DMD: variants seen among roughly 807,000 people sequenced by gnomAD.
DMD encodes mutant dystrophin.
A neutral mutation model predicts 330.1 loss-of-function variants in DMD; 63 were observed. The ratio of observed to expected loss-of-function variants is 0.19; its 90% CI spans 0.16 to 0.24. The LOEUF is 0.24. Ranked by LOEUF, DMD falls within the 10% of genes least tolerant of loss-of-function variation. The pLI, the probability that DMD is intolerant of heterozygous loss-of-function variation, is 1.00. For synonymous variants in DMD, 1,223 were observed against 959.8 expected (o/e 1.27, Z -5.07); for missense variants, 3,344 against 2,684.1 (o/e 1.25, Z -5.43).
chrX:31,603,046 GAA>G (rs2077444938), intron 55 of DMD, among the ~76,000 whole-genome samples: 2 of 111,383 alleles, frequency 1.8e-5, no homozygotes, highest in Non-Finnish European at 3.8e-5. Flanking sequence ...GAGAGATTTT[GAA>G]AAGTGTTGTT....
chrX:32,840,274 T>C (rs1240591573), intron 4 of DMD, among the ~76,000 whole-genome samples: 1 of 112,101 alleles, frequency 8.9e-6, no homozygotes, highest in African/African-American at 3.2e-5. Flanking sequence ...CTATATTTTC[T>C]GTAAGAAATG....
chrX:31,395,569 A>C (rs936535401), intron 60 of DMD, among the ~76,000 whole-genome samples: 2 of 112,284 alleles, frequency 1.8e-5, no homozygotes, highest in African/African-American at 6.5e-5. Flanking sequence ...TACAAGTAGA[A>C]GTCTTTCAAA....
chrX:31,784,730 T>C (rs949264136), intron 50 of DMD, among the ~76,000 whole-genome samples: 5 of 112,042 alleles, frequency 4.5e-5, no homozygotes, highest in Non-Finnish European at 9.4e-5. Flanking sequence ...TGAGGATAAA[T>C]AATTGATACT....
intron 1 of DMD, among the ~76,000 whole-genome samples, chrX:33,302,793 T>C (rs1192541953): frequency 9.0e-6 from 1 of 111,460 alleles, no homozygotes; most frequent in East Asian, 2.8e-4. Context: ...CAAAATTCCA[T>C]AGTTAAGAGT....
chrX:31,901,878 A>G (rs1383029192), intron 47 of DMD, among the ~76,000 whole-genome samples: 1 of 111,522 alleles, frequency 9.0e-6, no homozygotes, highest in Non-Finnish European at 1.9e-5. Flanking sequence ...TGAAATATGC[A>G]TACACTGTGG....
intron 44 of DMD, among the ~76,000 whole-genome samples, chrX:32,102,359 G>A (rs181852608): frequency 7.2e-5 from 8 of 111,797 alleles, no homozygotes; most frequent in African/African-American, 2.6e-4. Context: ...TTCATCTTTT[G>A]TAATCAAAAT....
At chrX:32,209,862 T>A (rs903597895) in intron 44 of DMD, among the ~76,000 whole-genome samples, 9 of 111,863 alleles carry the variant, frequency 8.0e-5, no homozygotes, top group African/African-American at 2.9e-4. Flanking sequence ...AACGGAAGTC[T>A]AATAACAAGC....
rs188902184 is a variant in DMD at position 31,612,985 on chromosome X, G to C, written c.8217+14688C>G. Among the ~76,000 whole-genome samples, 319 of 112,073 alleles carry C rather than the reference G, an allele frequency of 2.8e-3. 1 individual carries two copies. The highest frequency in any genetic ancestry group is 7.5e-3 in the African/African-American group (232 of 30,921). On this transcript the variant is annotated intron_variant, in intron 55 of 78. Transcript: ENST00000357033. ...CAAGGCCTGGTAATGCTTTCGAGAA[G>C]AGGTAGGGCTTTGGCCAAGAGTTGA...
intron 7 of DMD, among the ~76,000 whole-genome samples, chrX:32,709,237 A>T (rs1015900546): frequency 9.0e-6 from 1 of 111,697 alleles, no homozygotes; most frequent in Non-Finnish European, 1.9e-5. Flanking sequence ...AAATTTACAG[A>T]AGTGAAGATA....
At chrX:33,170,311 T>C (rs1281563762) in intron 1 of DMD, among the ~76,000 whole-genome samples, 1 of 108,287 alleles carries the variant, frequency 9.2e-6, no homozygotes, top group Admixed American at 1.0e-4. Flanking sequence ...AATCAATAAA[T>C]ATGGTTGCAA....
intron 54 of DMD, among the ~76,000 whole-genome samples, chrX:31,657,058 G>A (rs2080824307): frequency 9.0e-6 from 1 of 111,649 alleles, no homozygotes; most frequent in Non-Finnish European, 1.9e-5. Context: ...TTCAAAATCT[G>A]TTTTGGCCCC....
intron 43 of DMD, among the ~76,000 whole-genome samples, chrX:32,234,417 G>A (rs904943302): frequency 9.0e-6 from 1 of 111,176 alleles, no homozygotes; most frequent in Non-Finnish European, 1.9e-5. Context: ...TGAGAAGTTA[G>A]AATAGTGGTT....
intron 9 of DMD, among the ~76,000 whole-genome samples, chrX:32,690,599 C>A (rs937115887): frequency 5.4e-5 from 6 of 111,144 alleles, no homozygotes; most frequent in Non-Finnish European, 1.1e-4. Flanking sequence ...AAATATATTA[C>A]TAAACTACAG....
chrX:33,239,111 G>C (rs1221142714), intron 1 of DMD, among the ~76,000 whole-genome samples: 1 of 107,191 alleles, frequency 9.3e-6, no homozygotes, highest in South Asian at 4.3e-4. Context: ...ACAAAAATTA[G>C]CTGGGTGTGG....
At chrX:31,776,589 CAGGG>C (rs1241953198) in intron 50 of DMD, among the ~76,000 whole-genome samples, 2 of 66,838 alleles carry the variant, frequency 3.0e-5, no homozygotes, top group Non-Finnish European at 5.1e-5. Flanking sequence ...AGAAGAAAGT[CAGGG>C]AGGGAGGGAG....
Position 32,434,902 on chromosome X carries a change from C to T in DMD, c.4071+3339G>A, listed in dbSNP as rs922900299. 2.2e-4 allele frequency among the ~76,000 whole-genome samples: 24 copies of T among 110,816 alleles called. No homozygotes were observed. In the Admixed American group the frequency reaches 2.3e-3, roughly 11 times the overall value. ...AACATGATGTGGTTTTCATGAAAGC[C>T]GTAAAAACTAAATATGCTTTATTTT... On this transcript the variant is annotated intron_variant, in intron 29 of 78. Transcript: ENST00000357033.
At chrX:33,112,184 C>T in intron 1 of DMD, among the ~76,000 whole-genome samples, 1 of 110,820 alleles carries the variant, frequency 9.0e-6, no homozygotes, top group Middle Eastern at 4.7e-3. Flanking sequence ...ACTTTTATCA[C>T]AGTATATTGT....
At chrX:31,220,755 C>G (rs1422418637) in intron 64 of DMD, among the ~76,000 whole-genome samples, 1 of 110,705 alleles carries the variant, frequency 9.0e-6, no homozygotes, top group Non-Finnish European at 1.9e-5. Context: ...ACCTGATATT[C>G]CAAGCCAAGC....
At chrX:32,036,969 G>A (rs1318154917) in intron 44 of DMD, among the ~76,000 whole-genome samples, 1 of 111,553 alleles carries the variant, frequency 9.0e-6, no homozygotes, top group East Asian at 2.8e-4. Flanking sequence ...GACCATCAGT[G>A]TCCTTGATGA....
Sources: gnomAD v4.1 joint callset for allele counts (sites outside exome capture counted in the v4.1 genomes callset) on GRCh38, gnomAD v4.1.1 for gene constraint, MANE v1.5 for transcripts, NCBI Gene and HGNC (gene_info 2026-07-23, HGNC 2026-07-21) for gene names.